DTNBP1: variants seen among roughly 807,000 people sequenced by gnomAD.
The protein encoded by DTNBP1 is dystrobrevin binding protein 1, also known as dysbindin.
DTNBP1 carries 35 observed loss-of-function variants against 42.8 expected under a neutral mutation model. The ratio of observed to expected loss-of-function variants is 0.82; its 90% CI spans 0.63 to 1.09. The LOEUF (loss-of-function observed/expected upper bound fraction) is 1.09, where lower values mean the gene tolerates loss of function less well. Among genes scored for constraint, DTNBP1 ranks in the 50% least tolerant of loss-of-function variants. The pLI, the probability that DTNBP1 is intolerant of heterozygous loss-of-function variation, is 0.00. For missense variants in DTNBP1, 457 were observed against 424.2 expected (o/e 1.08, Z -0.68); for synonymous variants, 171 against 162.2 (o/e 1.05, Z -0.41).
At chr6:15,575,630 G>T (rs932228649) in intron 7 of DTNBP1, among the ~76,000 whole-genome samples, 2 of 152,186 alleles carry the variant, frequency 1.3e-5, no homozygotes, top group Non-Finnish European at 2.9e-5. Flanking sequence ...TGTGACATAT[G>T]TTTTCTCTTT....
intron 7 of DTNBP1, among the ~76,000 whole-genome samples, chr6:15,540,067 A>C (rs1773470008): frequency 6.6e-6 from 1 of 152,180 alleles, no homozygotes; most frequent in Non-Finnish European, 1.5e-5. Flanking sequence ...GCAACACCAA[A>C]TATTACCAAG....
chr6:15,632,666 T>C (rs1057390783), intron 4 of DTNBP1, among the ~76,000 whole-genome samples: 6 of 152,212 alleles, frequency 3.9e-5, no homozygotes, highest in African/African-American at 1.4e-4. Context: ...CATTAAAAAT[T>C]TGCTAAAACT....
rs1776731088 is a variant in DTNBP1, at chr6:15,601,622, T to C, written c.489-8541A>G. On this transcript the variant is annotated intron_variant, in intron 6 of 9. Coordinates refer to ENST00000344537, the MANE Select transcript of DTNBP1 (RefSeq NM_032122.5). The stretch of plus-strand genomic sequence containing the variant: ...TTGGTCCTAGGCCGAGGCAGATGGA[T>C]CACCTGAGGTCGGGGGTTCAAGACC... Among the ~76,000 whole-genome samples, 3 of 151,698 alleles carry C rather than the reference T, an allele frequency of 2.0e-5. No homozygotes were observed. The South Asian group carries it at 6.2e-4, about 32-fold the overall frequency.
chr6:15,594,763 C>CTT (rs536279234), intron 6 of DTNBP1, among the ~76,000 whole-genome samples: 1 of 147,878 alleles, frequency 6.8e-6, no homozygotes, highest in African/African-American at 2.5e-5. Context: ...ATGAGTAATT[C>CTT]TTTTTTTTTT....
intron 7 of DTNBP1, among the ~76,000 whole-genome samples, chr6:15,548,042 A>G (rs750935757): frequency 2.7e-4 from 41 of 152,246 alleles, no homozygotes; most frequent in Non-Finnish European, 5.6e-4. Context: ...TGCAAAATCA[A>G]TGTTAACCAT....
At chr6:15,574,669 A>C (rs766136886) in intron 7 of DTNBP1, among the ~76,000 whole-genome samples, 32 of 152,354 alleles carry the variant, frequency 2.1e-4, no homozygotes, top group Non-Finnish European at 3.4e-4. Flanking sequence ...TGTTCCGCTC[A>C]AATGCTCAAA....
intron 7 of DTNBP1, among the ~76,000 whole-genome samples, chr6:15,536,052 G>A (rs1372935842): frequency 6.6e-6 from 1 of 152,206 alleles, no homozygotes; most frequent in African/African-American, 2.4e-5. Flanking sequence ...TTCAAGACAT[G>A]ACCTGGATTA....
At chr6:15,575,658 C>T (rs183856008) in intron 7 of DTNBP1, among the ~76,000 whole-genome samples, 56 of 152,314 alleles carry the variant, frequency 3.7e-4, no homozygotes, top group African/African-American at 1.3e-3. Context: ...ATGAGAAAAA[C>T]ACTTTTCAAA....
chr6:15,579,396 G>A (rs1775722350), intron 7 of DTNBP1, among the ~76,000 whole-genome samples: 1 of 152,242 alleles, frequency 6.6e-6, no homozygotes, highest in Non-Finnish European at 1.5e-5. Flanking sequence ...GGAACGGAGA[G>A]TTAACCAGAT....
intron 6 of DTNBP1, among the ~76,000 whole-genome samples, chr6:15,594,529 A>G (rs1389216617): frequency 6.6e-6 from 1 of 152,058 alleles, no homozygotes; most frequent in Non-Finnish European, 1.5e-5. Flanking sequence ...GTTTCCCTTC[A>G]GTCAATAATC....
At chr6:15,579,137 A>C (rs947926747) in intron 7 of DTNBP1, among the ~76,000 whole-genome samples, 2 of 152,252 alleles carry the variant, frequency 1.3e-5, no homozygotes, top group Non-Finnish European at 2.9e-5. Flanking sequence ...CAAGATATGG[A>C]ATCAACTAAA....
intron 9 of DTNBP1, chr6:15,523,881 G>A (rs1359773701): frequency 7.8e-7 from 1 of 1,287,112 alleles, no homozygotes; most frequent in African/African-American, 1.5e-5. Context: ...CCGTGGTAAT[G>A]GTAGAACCTT....
At chr6:15,536,852 A>G (rs1009449655) in intron 7 of DTNBP1, among the ~76,000 whole-genome samples, 3 of 152,370 alleles carry the variant, frequency 2.0e-5, no homozygotes, top group African/African-American at 7.2e-5. Context: ...GGAGCTGCCC[A>G]AGGCCATGGG....
chr6:15,522,961 GCCCATGT>G lies in DTNBP1; in HGVS notation c.*7_*13del, dbSNP rs748619498. On this transcript the variant is annotated 3_prime_UTR_variant, in exon 10 of 10. Coordinates refer to ENST00000344537, the MANE Select transcript of DTNBP1 (RefSeq NM_032122.5). ...CTGGATTCCAGTGTGGCCAGACAAC[GCCCATGT>G]CCCAATTTAAGAGTCGCTGTCCTCA... 1.9e-5 allele frequency: 30 copies of G among 1,614,052 alleles called. No homozygotes were observed. Among genetic ancestry groups the G allele is most frequent in the Non-Finnish European group, 2.5e-5 (29 of 1,180,018 alleles).
At chr6:15,660,399 T>C (rs1455055269) in intron 1 of DTNBP1, 5 of 1,289,676 alleles carry the variant, frequency 3.9e-6, no homozygotes, top group Non-Finnish European at 4.0e-6. Context: ...AAAGTGAACA[T>C]CAGGCACTAG....
At chr6:15,591,110 C>CTTT (rs1293474353) in intron 7 of DTNBP1, among the ~76,000 whole-genome samples, 1 of 140,074 alleles carries the variant, frequency 7.1e-6, no homozygotes, top group East Asian at 2.1e-4. Flanking sequence ...TTATAGGGTA[C>CTTT]TTTTTTTTTT....
chr6:15,625,145 C>T (rs1759267361), intron 5 of DTNBP1, among the ~76,000 whole-genome samples: 1 of 152,094 alleles, frequency 6.6e-6, no homozygotes, highest in Admixed American at 6.6e-5. Context: ...CACAGTCATT[C>T]ATTACTAATT....
chr6:15,550,403 A>C (rs1328043272), intron 7 of DTNBP1, among the ~76,000 whole-genome samples: 1 of 152,184 alleles, frequency 6.6e-6, no homozygotes, highest in Non-Finnish European at 1.5e-5. Context: ...TTTGTTTCCC[A>C]CAACATTTAC....
rs998452546 is a variant in DTNBP1 at position 15,647,563 on chromosome 6, GA to G, written c.161+3749del. Among the ~76,000 whole-genome samples, 845 of 140,730 alleles carry G rather than the reference GA, an allele frequency of 6.0e-3. 5 individuals carry two copies. The highest frequency in any genetic ancestry group is 0.018 in the Middle Eastern group (5 of 278). The allele number at this position is 140,730 out of a possible 152,430, so 92.3% of individuals were successfully genotyped here. On this transcript the variant is annotated intron_variant, in intron 3 of 9. Transcript: ENST00000344537. ...ACAAATGTTTACCTAGATTGACTAA[GA>G]AAAAAAAAAAGACTCAAGTTACTAA...
Sources: gnomAD v4.1 joint callset for allele counts (sites outside exome capture counted in the v4.1 genomes callset) on GRCh38, gnomAD v4.1.1 for gene constraint, MANE v1.5 for transcripts, NCBI Gene and HGNC (gene_info 2026-07-23, HGNC 2026-07-21) for gene names.